The following NEK8 variants were observed in gnomAD, a reference collection of about 807,000 sequenced individuals.
NEK8 encodes the protein serine/threonine-protein kinase Nek8.
Under a neutral mutation model 77.2 loss-of-function variants are expected in NEK8, and 51 were observed. The observed-to-expected ratio is 0.66, with a 90% CI of 0.53 to 0.83. NEK8 has a LOEUF of 0.83. Among genes scored for constraint, NEK8 ranks in the 40% least tolerant of loss-of-function variants. The pLI is 0.00. For synonymous variants in NEK8, 365 were observed against 363.2 expected, an observed-to-expected ratio of 1.00 and a Z score of -0.06; for missense variants, 787 against 909.2, an observed-to-expected ratio of 0.87 and a Z score of 1.73.
chr17:28,741,977 T>C lies in NEK8; in HGVS notation c.2069T>C (p.Val690Ala). 1 of 1,613,760 alleles carries C rather than the reference T, an allele frequency of 6.2e-7. No individual in the cohort carries two copies. Among genetic ancestry groups the C allele is most frequent in the Non-Finnish European group, 8.5e-7 (1 of 1,179,838 alleles). ...LAVRSVTDEP[V>A]PP ...CCTCCAGCGGTCACAGATGAGCCGGTCCCCCCCTGAGGCACCCGGATTCAC... is the reference window on the plus strand; with the variant it reads ...CCTCCAGCGGTCACAGATGAGCCGGCCCCCCCCTGAGGCACCCGGATTCAC... Residue 690 changes from valine (V) to alanine (A), a missense_variant, in exon 15 of 15, where the codon GTC becomes GCC. Around this residue, in one of 2 missense-constraint regions of NEK8, gnomAD observed 516 missense variants for 544.0 expected, o/e 0.95. Coordinates refer to ENST00000268766, the MANE Select transcript of NEK8 (RefSeq NM_178170.3). The surrounding 1 kb of genome is among the most constrained non-coding windows in gnomAD (Gnocchi z 4.5).
chr17:28,738,629 T>C lies in NEK8; in HGVS notation c.1223-42T>C, dbSNP rs369995806. 30 of 1,570,222 alleles carry C rather than the reference T, an allele frequency of 1.9e-5. No individual in the cohort carries two copies. The African/African-American group carries it at 3.2e-4, about 17-fold the overall frequency. On this transcript the variant is annotated intron_variant, in intron 8 of 14. Coordinates refer to ENST00000268766, the MANE Select transcript of NEK8 (RefSeq NM_178170.3). ...GACCGGGCTATCTGGAAAGACTGTT[T>C]AACTTCTTTCCCTTCTCCTTCCTCA...
intron 1 of NEK8, among the ~76,000 whole-genome samples, chr17:28,729,376 GAC>G (rs1294711016): frequency 6.6e-6 from 1 of 152,134 alleles, no homozygotes; most frequent in Non-Finnish European, 1.5e-5. Context: ...TGATTTTTAA[GAC>G]AGAGTCTCCC....
At position 28,734,613 on chromosome 17, in the gene NEK8, G is replaced by T. The variant is rs546957695; in HGVS notation, c.254-159G>T. 8 of 633,340 alleles carry T rather than the reference G, an allele frequency of 1.3e-5. No individual in the cohort carries two copies. In the East Asian group the frequency reaches 1.7e-4, roughly 13 times the overall value. The allele number at this position is 633,340 out of a possible 1,614,324, so 39.2% of individuals were successfully genotyped here. ...GCAGGAGAATGGCTTGAACCCGGGAGGGGGGGCTTGCAGCAGTGAGCTGAG... is the reference window on the plus strand; with the variant it reads ...GCAGGAGAATGGCTTGAACCCGGGATGGGGGGCTTGCAGCAGTGAGCTGAG... On this transcript the variant is annotated intron_variant, in intron 2 of 14. Transcript: ENST00000268766.
Position 28,737,183 on chromosome 17 carries a change from A to G in NEK8, c.619-123A>G, listed in dbSNP as rs1567760320. The G allele has an allele frequency of 5.3e-6, 5 of 949,622 alleles. No homozygotes were observed. Among genetic ancestry groups the G allele is most frequent in the Non-Finnish European group, 6.5e-6 (4 of 611,616 alleles). The allele number at this position is 949,622 out of a possible 1,614,324, so 58.8% of individuals were successfully genotyped here. A position where few individuals can be genotyped will look rare whatever the true frequency, so the allele number is the denominator to read the frequency against. On this transcript the variant is annotated intron_variant, in intron 4 of 14. Transcript: ENST00000268766. The surrounding 1 kb of genome is among the most constrained non-coding windows in gnomAD (Gnocchi z 4.8). ...GTTTTGGTTACTGTAGCCTTGTAGT[A>G]TAGTTTGAAGTCAGGTAGCATGATG... is the stretch of plus-strand genomic sequence containing the variant.
rs767422789 is a variant in NEK8 at position 28,738,216 on chromosome 17, G to A, written c.1193G>A (p.Cys398Tyr). 2 of 1,614,196 alleles carry A rather than the reference G, an allele frequency of 1.2e-6. No homozygotes were observed. The highest frequency in any genetic ancestry group is 8.5e-7 in the Non-Finnish European group (1 of 1,180,024). ...QSGVTIKHVA[C>Y]GDFFTACLTD... ...GGTGTGACCATCAAGCACGTGGCCT[G>A]TGGGGACTTCTTCACTGCCTGCCTG... Residue 398 changes from cysteine to tyrosine, a missense_variant, in exon 8 of 15, where the codon TGT becomes TAT. Physicochemically the swap from Cys to Tyr is radical, Grantham distance 194. Coordinates refer to ENST00000268766, the MANE Select transcript of NEK8 (RefSeq NM_178170.3).
chr17:28,741,908 TGG>T lies in NEK8; in HGVS notation c.2051-50_2051-49del. The T allele has an allele frequency of 1.9e-6, 3 of 1,603,482 alleles. No individual in the cohort carries two copies. Among genetic ancestry groups the T allele is most frequent in the Non-Finnish European group, 2.6e-6 (3 of 1,170,232 alleles). ...GGAGTGGGAGGTGGGTGATGATTTC[TGG>T]AGGCACTGCCCTCAGAAGCTGCAAG... On this transcript the variant is annotated intron_variant, in intron 14 of 14. Coordinates refer to ENST00000268766, the MANE Select transcript of NEK8 (RefSeq NM_178170.3). The surrounding 1 kb of genome is among the most constrained non-coding windows in gnomAD (Gnocchi z 4.5).
chr17:28,739,178 T>C lies in NEK8; in HGVS notation c.1394T>C (p.Phe465Ser), dbSNP rs1308482433. ...VLALSTEREL[F>S]AWGRGDSGRL... ...GCCCTGTCCACTGAGCGAGAACTAT[T>C]TGCCTGGGGCCGTGGAGACAGCGGT... is the stretch of plus-strand genomic sequence containing the variant. Residue 465 changes from phenylalanine to serine, a missense_variant, in exon 10 of 15, where the codon TTT (phenylalanine) becomes TCT (serine). Phe to Ser is a radical substitution (Grantham distance 155). Transcript: ENST00000268766. 6.2e-7 allele frequency: 1 copy of C among 1,613,930 alleles called. No homozygotes were observed. The highest frequency in any genetic ancestry group is 1.7e-5 in the Admixed American group (1 of 60,024).
chr17:28,733,962 C>CCT, intron 1 of NEK8, 21 bp from the exon 2 acceptor site: 2 of 1,610,370 alleles, frequency 1.2e-6, no homozygotes, highest in Non-Finnish European at 1.7e-6. Context: ...GGTAACCTGT[C>CCT]CCTGTCCTCC....
chr17:28,740,568 T>C lies in NEK8; in HGVS notation c.1523T>C (p.Met508Thr). Residue 508 changes from methionine to threonine, a missense_variant, in exon 11 of 15, where the codon ATG (methionine) becomes ACG (threonine). By Grantham distance (81) the Met-to-Thr change is moderately conservative (BLOSUM62 -1). Coordinates refer to ENST00000268766, the MANE Select transcript of NEK8 (RefSeq NM_178170.3). The surrounding 1 kb of genome is among the most constrained non-coding windows in gnomAD (Gnocchi z 4.7). Reference protein sequence around the residue: ...QRVVCGIDSSMILTVPGQALA... With the variant: ...QRVVCGIDSSTILTVPGQALA... Reference sequence around the variant, plus strand: ...GTTGTATGTGGTATCGATTCCTCCATGATCCTCACTGTGCCTGGCCAAGCC... The same window carrying C: ...GTTGTATGTGGTATCGATTCCTCCACGATCCTCACTGTGCCTGGCCAAGCC... 6.2e-7 allele frequency: 1 copy of C among 1,614,188 alleles called. No homozygotes were observed. The highest frequency in any genetic ancestry group is 8.5e-7 in the Non-Finnish European group (1 of 1,180,020).
intron 1 of NEK8, among the ~76,000 whole-genome samples, chr17:28,729,592 G>T (rs921648005): frequency 7.3e-6 from 1 of 136,204 alleles, no homozygotes; most frequent in Admixed American, 8.4e-5. Context: ...GCGCGATCTC[G>T]AGTGCAGTGG....
intron 4 of NEK8, 37 bp downstream of exon 4, chr17:28,735,408 T>G (rs1313831162): frequency 4.3e-5 from 69 of 1,603,686 alleles, no homozygotes; most frequent in Non-Finnish European, 5.8e-5. Flanking sequence ...AACTGAGAAA[T>G]CTACTGCCTC....
Position 28,738,659 on chromosome 17 carries a change from C to A in NEK8, c.1223-12C>A. 1 of 1,613,322 alleles carries A rather than the reference C, an allele frequency of 6.2e-7. No homozygotes were observed. Among genetic ancestry groups the A allele is most frequent in the South Asian group, 1.1e-5 (1 of 91,058 alleles). On this transcript the variant is annotated splice_polypyrimidine_tract_variant and intron_variant, in intron 8 of 14. Coordinates refer to ENST00000268766, the MANE Select transcript of NEK8 (RefSeq NM_178170.3). ...TCTTTCCCTTCTCCTTCCTCACTGC[C>A]CTTCTCCCCAGACAGAGGCATCATC...
chr17:28,735,348 C>T lies in NEK8; in HGVS notation c.595C>T (p.Leu199Phe). ...CTGTGTCCTCTACGAGCTGGCCAGC[C>T]TCAAGAGGGCTTTCGAGGCTGCGGT... is the stretch of plus-strand genomic sequence containing the variant. ...LGCVLYELAS[L>F]KRAFEAANLP... Residue 199 changes from leucine to phenylalanine, a missense_variant, in exon 4 of 15, where the codon CTC (leucine) becomes TTC (phenylalanine). Leu to Phe is a conservative substitution (Grantham distance 22, BLOSUM62 0). Transcript: ENST00000268766. The T allele has an allele frequency of 6.2e-7, 1 of 1,614,006 alleles. No homozygotes were observed. The highest frequency in any genetic ancestry group is 8.5e-7 in the Non-Finnish European group (1 of 1,179,954).
intron 2 of NEK8, chr17:28,734,451 G>T: frequency 1.8e-6 from 1 of 570,704 alleles, no homozygotes; most frequent in Admixed American, 3.0e-5. Flanking sequence ...CGAGGCGGGC[G>T]GATCATGAGG....
rs1444253808 is a variant in NEK8 at position 28,737,014 on chromosome 17, T to G, written c.619-292T>G. Among the ~76,000 whole-genome samples, 3 of 152,242 alleles carry G rather than the reference T, an allele frequency of 2.0e-5. No individual in the cohort carries two copies. The highest frequency in any genetic ancestry group is 7.2e-5 in the African/African-American group (3 of 41,456). ...GGCTAGCCAGTTTTCCCAGCACCAT[T>G]TATTAAATAGGGAATCCTTTCCCCA... On this transcript the variant is annotated intron_variant, in intron 4 of 14. Transcript: ENST00000268766. This position sits in a 1 kb window ranked among gnomAD's most constrained non-coding sequence, Gnocchi z 4.8.
chr17:28,731,900 T>C (rs755093526), intron 1 of NEK8, among the ~76,000 whole-genome samples: 21 of 135,842 alleles, frequency 1.5e-4, no homozygotes, highest in Non-Finnish European at 2.6e-4. Flanking sequence ...CCACCGCGCC[T>C]GGCCCCAATT....
At position 28,739,070 on chromosome 17, in the gene NEK8, C is replaced by T; in HGVS notation, c.1300-14C>T. On this transcript the variant is annotated splice_polypyrimidine_tract_variant and intron_variant, in intron 9 of 14. Transcript: ENST00000268766. ...CCCTTTGCCCAGTTTCTCCTTGCTT[C>T]CTCTCCTCTCTAGCCCACCATTGTG... 3 of 1,601,636 alleles carry T rather than the reference C, an allele frequency of 1.9e-6. No individual in the cohort carries two copies. The highest frequency in any genetic ancestry group is 2.6e-6 in the Non-Finnish European group (3 of 1,168,518).
Position 28,740,170 on chromosome 17 carries a change from G to C in NEK8, c.1418-293G>C, listed in dbSNP as rs574789846. Reference sequence around the variant, plus strand: ...ATGGTGGTGCATGCCTGTAATCCCGGCTACTCAGGAGGCTGAGGCAGGAGA... The same window carrying C: ...ATGGTGGTGCATGCCTGTAATCCCGCCTACTCAGGAGGCTGAGGCAGGAGA... On this transcript the variant is annotated intron_variant, in intron 10 of 14. Transcript: ENST00000268766. This position sits in a 1 kb window ranked among gnomAD's most constrained non-coding sequence, Gnocchi z 4.7. 6.6e-6 allele frequency among the ~76,000 whole-genome samples: 1 copy of C among 152,250 alleles called. No individual in the cohort carries two copies. The highest frequency in any genetic ancestry group is 2.4e-5 in the African/African-American group (1 of 41,554).
chr17:28,731,461 C>A (rs1176026538), intron 1 of NEK8, among the ~76,000 whole-genome samples: 1 of 151,908 alleles, frequency 6.6e-6, no homozygotes, highest in Non-Finnish European at 1.5e-5. Context: ...ATTGCTTGAA[C>A]CTGGGAGGCG....
Sources: allele counts gnomAD v4.1 joint callset (sites outside exome capture counted in the v4.1 genomes callset), GRCh38; gene constraint gnomAD v4.1.1; regional missense constraint gnomAD v4.1.1; non-coding constraint Gnocchi (gnomAD v3.1); transcripts MANE v1.5; gene names NCBI Gene and HGNC (gene_info 2026-07-23, HGNC 2026-07-21).